The following BSCL2 variants were observed in gnomAD, a reference collection of about 807,000 sequenced individuals.
BSCL2 encodes seipin.
A neutral mutation model predicts 57.4 loss-of-function variants in BSCL2; 41 were observed. The ratio of observed to expected loss-of-function variants is 0.71; its 90% CI spans 0.56 to 0.93. The LOEUF is 0.93. BSCL2 is among the 40% of genes least tolerant of loss of function. The probability of loss-of-function intolerance (pLI) is 0.00; values close to 1 mark genes in which losing one functional copy is unlikely to be tolerated. For missense variants in BSCL2, 539 were observed against 586.7 expected (o/e 0.92, Z 0.84); for synonymous variants, 237 against 227.3 (o/e 1.04, Z -0.38).
chr11:62,698,234 T>C (rs146909957), intron 3 of BSCL2, among the ~76,000 whole-genome samples: 6,313 of 150,600 alleles, frequency 0.042, 409 homozygotes, highest in Admixed American at 0.19. Flanking sequence ...AGTCTTACTC[T>C]GTCGCCCAGG....
rs1197051764 is a variant in BSCL2, at chr11:62,696,278, T to TTGTGTGTGTGTGTGTGTGTGTG, written c.487-1589_487-1568dup. ...TTAAGCCAGTTGCTTCATAAACTTT[T>TTGTGTGTGTGTGTGTGTGTGTG]TGTGTGTGTGTGTGTGTGTGTGTGT... On this transcript the variant is annotated intron_variant, in intron 3 of 10. Transcript: ENST00000360796. Among the ~76,000 whole-genome samples, 32 of 136,322 alleles carry TTGTGTGTGTGTGTGTGTGTGTG rather than the reference T, an allele frequency of 2.3e-4. 2 individuals carry two copies. Among genetic ancestry groups the TTGTGTGTGTGTGTGTGTGTGTG allele is most frequent in the South Asian group, 5.0e-4 (2 of 4,020 alleles). 89.4% of individuals were successfully genotyped at this position (136,322 alleles called of 152,430 possible).
intron 3 of BSCL2, among the ~76,000 whole-genome samples, chr11:62,695,711 CAAAAAAA>C (rs398016310): frequency 7.5e-5 from 5 of 66,452 alleles, no homozygotes; most frequent in African/African-American, 1.1e-4. Context: ...AACTCTGTCT[CAAAAAAA>C]AAAAAAAAAA....
intron 3 of BSCL2, among the ~76,000 whole-genome samples, chr11:62,698,905 A>C (rs757689707): frequency 3.8e-4 from 57 of 151,828 alleles, no homozygotes; most frequent in Non-Finnish European, 8.8e-5. Context: ...ATTTATTATT[A>C]TTATTTATTT....
intron 1 of BSCL2, chr11:62,705,898 A>G (rs548114437): frequency 6.7e-6 from 3 of 448,670 alleles, no homozygotes; most frequent in East Asian, 3.7e-5. Flanking sequence ...TCACAGCTAT[A>G]TAACAAAGAA....
At chr11:62,694,502 G>T (rs1236447739) in intron 4 of BSCL2, 66 bp downstream of exon 4, 3 of 1,610,432 alleles carry the variant, frequency 1.9e-6, no homozygotes, top group Non-Finnish European at 2.5e-6. Context: ...ACCACACCCA[G>T]CCCCCTACCC....
intron 3 of BSCL2, among the ~76,000 whole-genome samples, chr11:62,695,660 G>A (rs1050729780): frequency 5.6e-5 from 8 of 144,120 alleles, no homozygotes; most frequent in Admixed American, 1.5e-4. Flanking sequence ...GCAGTGAGCC[G>A]AGAGCGCGCC....
intron 3 of BSCL2, 25 bp from the exon 4 acceptor site, chr11:62,694,736 T>TA: frequency 6.2e-7 from 1 of 1,611,364 alleles, no homozygotes; most frequent in Non-Finnish European, 8.5e-7. Flanking sequence ...CCCCATTTCT[T>TA]TAAAAAAATT....
At chr11:62,693,301 C>T (rs578812) in intron 4 of BSCL2, among the ~76,000 whole-genome samples, 108,411 of 151,902 alleles carry the variant, frequency 0.71, 39,585 homozygotes, top group Admixed American at 0.81. Context: ...ATCAGGAGTT[C>T]GAGACCAGCC....
At chr11:62,706,356 C>T in intron 1 of BSCL2, 1 of 1,080,874 alleles carries the variant, frequency 9.3e-7, no homozygotes, top group Non-Finnish European at 1.2e-6. Flanking sequence ...CCGTGGGAGG[C>T]GGGGCTTCAG....
At chr11:62,708,175 G>A (rs371707226), upstream of BSCL2, 17 of 736,476 alleles carry the variant, frequency 2.3e-5, no homozygotes, top group African/African-American at 2.1e-4. Flanking sequence ...AGGAGGAGGA[G>A]GATAGGAGGG....
In BSCL2 at chr11:62,690,392, T is replaced by A; in HGVS notation, c.1364A>T (p.Gln455Leu). 6.2e-7 allele frequency: 1 copy of A among 1,614,066 alleles called. No individual in the cohort carries two copies. Among genetic ancestry groups the A allele is most frequent in the Non-Finnish European group, 8.5e-7 (1 of 1,180,012 alleles). ...TCAGGAACTAGAGCAGGTGGGGCGC[T>A]GTCGGAGAGCACCCCCAGCAGGTTC... The part of the protein sequence containing the change: ...SSEPAGGALR[Q>L]RPTCSSS The change falls in exon 11 of 11, where the codon CAG (glutamine) becomes CTG (leucine). Residue 455 changes from glutamine to leucine, a missense_variant. By Grantham distance (113) the Gln-to-Leu change is moderately radical. Coordinates refer to ENST00000360796, the MANE Select transcript of BSCL2 (RefSeq NM_001122955.4).
Position 62,692,683 on chromosome 11 carries a change from C to A in BSCL2, c.745G>T (p.Ala249Ser), listed in dbSNP as rs10776. ...QKQLLEVELY[A>S]DYRENSYVPT... Reference sequence around the variant, plus strand: ...CTCACCGAGTTCTCTCTATAGTCTGCGTAGAGTTCCACCTCCAGCAGCTGC... The same window carrying A: ...CTCACCGAGTTCTCTCTATAGTCTGAGTAGAGTTCCACCTCCAGCAGCTGC... Residue 249 changes from alanine (A) to serine (S), a missense_variant, in exon 5 of 11, where the codon GCA becomes TCA. Physicochemically the swap from Ala to Ser is moderately conservative, Grantham distance 99. Transcript: ENST00000360796. 22 of 1,613,990 alleles carry A rather than the reference C, an allele frequency of 1.4e-5. No individual in the cohort carries two copies. The highest frequency in any genetic ancestry group is 1.5e-5 in the Non-Finnish European group (18 of 1,180,034).
chr11:62,706,379 T>TCCA (rs2083536520), intron 1 of BSCL2: 1 of 987,726 alleles, frequency 1.0e-6, no homozygotes, highest in Non-Finnish European at 1.3e-6. Context: ...CAGGGCGGGG[T>TCCA]CCAGCACGGC....
At position 62,705,779 on chromosome 11, in the gene BSCL2, T is replaced by C. The variant is rs559980715; in HGVS notation, c.88-162A>G. 1.1e-5 allele frequency: 8 copies of C among 721,062 alleles called. No homozygotes were observed. In the African/African-American group the frequency reaches 1.2e-4, roughly 11 times the overall value. The allele number at this position is 721,062 out of a possible 1,614,324, so 44.7% of individuals were successfully genotyped here. On this transcript the variant is annotated intron_variant, in intron 1 of 10. Transcript: ENST00000360796. ...CAAATGATTGTGCCACTCTGCCAAT[T>C]ACCCCTTCCCTTTCCTCCACTGTGT...
In BSCL2 at chr11:62,692,285, T is replaced by C. The variant is rs1035417089; in HGVS notation, c.863+91A>G. ...TGTGAAACCCAAGTCAGCTCTGCTC[T>C]GTAAACCCATTACCTCTGCTTGGGA... On this transcript the variant is annotated intron_variant, in intron 6 of 10. Transcript: ENST00000360796. 1.1e-5 allele frequency: 15 copies of C among 1,354,248 alleles called. No homozygotes were observed. In the South Asian group the frequency reaches 1.3e-4, roughly 12 times the overall value. 83.9% of individuals were successfully genotyped at this position (1,354,248 alleles called of 1,614,324 possible).
Position 62,699,438 on chromosome 11 carries a change from C to T in BSCL2, c.486+3030G>A, listed in dbSNP as rs1040815637. Among the ~76,000 whole-genome samples, 13 of 152,170 alleles carry T rather than the reference C, an allele frequency of 8.5e-5. No individual in the cohort carries two copies. The East Asian group carries it at 1.9e-3, about 23-fold the overall frequency. The stretch of plus-strand genomic sequence containing the variant: ...ATCTCAAACTCCTGACCATGTGATC[C>T]GCCTGCCTCGGCCTCCCAAATTGCT... On this transcript the variant is annotated intron_variant, in intron 3 of 10. Coordinates refer to ENST00000360796, the MANE Select transcript of BSCL2 (RefSeq NM_001122955.4).
chr11:62,702,727 T>C (rs1185114147), intron 2 of BSCL2, among the ~76,000 whole-genome samples, 178 bp from the exon 3 acceptor site: 7 of 152,124 alleles, frequency 4.6e-5, no homozygotes, highest in Non-Finnish European at 1.5e-5. Flanking sequence ...ACCAGGATTA[T>C]TTCATTCTCT....
Position 62,705,378 on chromosome 11 carries a change from A to G in BSCL2, c.327T>C (p.Ser109=). The G allele has an allele frequency of 6.2e-7, 1 of 1,614,190 alleles. No homozygotes were observed. Among genetic ancestry groups the G allele is most frequent in the Non-Finnish European group, 8.5e-7 (1 of 1,180,012 alleles). The change falls in exon 2 of 11, where the codon TCT becomes TCC. Residue 109 remains serine, a synonymous_variant. Coordinates refer to ENST00000360796, the MANE Select transcript of BSCL2 (RefSeq NM_001122955.4). ...AGTAGAAGGAGCCATAGAGGAAGAC[A>G]GACACCCAGAGCAAAAGGAGGATGG... ...FCTILLLLWV[S]VFLYGSFYYS...
intron 3 of BSCL2, among the ~76,000 whole-genome samples, chr11:62,695,332 AGGCCCT>A (rs1467876208): frequency 6.6e-6 from 1 of 152,130 alleles, no homozygotes; most frequent in Non-Finnish European, 1.5e-5. Flanking sequence ...TCTGGCAACA[AGGCCCT>A]CACACAGTAG....
Sources: gnomAD v4.1 joint callset for allele counts (sites outside exome capture counted in the v4.1 genomes callset) on GRCh38, gnomAD v4.1.1 for gene constraint, MANE v1.5 for transcripts, NCBI Gene and HGNC (gene_info 2026-07-23, HGNC 2026-07-21) for gene names.